Variants in MKI67 observed in about 807,000 individuals in gnomAD.
The protein encoded by MKI67 is marker of proliferation Ki-67, also known as proliferation marker protein Ki-67.
A neutral mutation model predicts 233.5 loss-of-function variants in MKI67; 152 were observed. The observed-to-expected ratio is 0.65, with a 90% CI of 0.57 to 0.74. The LOEUF (loss-of-function observed/expected upper bound fraction) is 0.74, where lower values mean the gene tolerates loss of function less well. Ranked by LOEUF, MKI67 falls within the 30% of genes least tolerant of loss-of-function variation. The pLI is 0.00. For missense variants in MKI67, 3,940 were observed against 3,885.2 expected (o/e 1.01, Z -0.37); for synonymous variants, 1,465 against 1,418.5 (o/e 1.03, Z -0.74).
Position 128,106,497 on chromosome 10 carries a change from G to T in MKI67, c.5343C>A (p.Ala1781=), listed in dbSNP as rs139410096. The T allele has an allele frequency of 1.9e-6, 3 of 1,613,966 alleles. No homozygotes were observed. In the Admixed American group the frequency reaches 5.0e-5, roughly 27 times the overall value. ...FRKQTPSAGK[A]MHTPKPAVGE... ...CTACTGCTGGTTTGGGTGTGTGCAT[G>T]GCTTTGCCTGCTGATGGCGTTTGTT... Residue 1781 remains alanine, a synonymous_variant, in exon 13 of 15, where the codon GCC becomes GCA. Transcript: ENST00000368654.
Position 128,101,351 on chromosome 10 carries a change from C to T in MKI67, c.9612G>A (p.Lys3204=). 6.2e-7 allele frequency: 1 copy of T among 1,614,188 alleles called. No homozygotes were observed. ...TGCTTGCTGCAGGCTGGCTTTTTGTCTTTCTTGATCTCAGGCACATGGAGT... is the reference window on the plus strand; with the variant it reads ...TGCTTGCTGCAGGCTGGCTTTTTGTTTTTCTTGATCTCAGGCACATGGAGT... ...NSDSMCLRSR[K]TKSQPAASTL... The change falls in exon 14 of 15, where the codon AAG becomes AAA. Residue 3204 remains lysine (K), a synonymous_variant. Coordinates refer to ENST00000368654, the MANE Select transcript of MKI67 (RefSeq NM_002417.5).
Position 128,108,444 on chromosome 10 carries a change from T to A in MKI67, c.3396A>T (p.Pro1132=). Residue 1132 remains proline (P), a synonymous_variant, in exon 13 of 15, where the codon CCA becomes CCT. Coordinates refer to ENST00000368654, the MANE Select transcript of MKI67 (RefSeq NM_002417.5). ...TTGGAGTGTCCACTGATTCTGGTGGTGGAGATTTGCAGGCTATTTTGGTAG... is the reference window on the plus strand; with the variant it reads ...TTGGAGTGTCCACTGATTCTGGTGGAGGAGATTTGCAGGCTATTTTGGTAG... ...EKTTKIACKS[P]PPESVDTPTS... is the part of the protein sequence containing the mutation. 6.2e-7 allele frequency: 1 copy of A among 1,614,084 alleles called. No homozygotes were observed. Among genetic ancestry groups the A allele is most frequent in the Non-Finnish European group, 8.5e-7 (1 of 1,180,030 alleles).
chr10:128,108,369 C>T lies in MKI67; in HGVS notation c.3471G>A (p.Glu1157=), dbSNP rs139548826. Residue 1157 remains glutamate (E), a synonymous_variant, in exon 13 of 15, where the codon GAG becomes GAA. Transcript: ENST00000368654. ...GTTTCCTGAGTGCTAAGAATTCTTC[C>T]TCTACATCTGCTTTCCTGAGACTTC... is the stretch of plus-strand genomic sequence containing the variant. ...PKRSLRKADV[E]EEFLALRKLT... is the part of the protein sequence containing the mutation. 7.7e-5 allele frequency: 125 copies of T among 1,614,116 alleles called. 2 individuals are homozygous for T. The African/African-American group carries it at 1.4e-3, about 18-fold the overall frequency.
rs753796048 is a variant in MKI67 at position 128,111,693 on chromosome 10, T to G, written c.2212A>C (p.Asn738His). ...HVPARPYRVL[N>H]NFISNQKMDF... The stretch of plus-strand genomic sequence containing the variant: ...ATTTTTTGGTTGGAAATGAAGTTGT[T>G]GAGCACTCTGTAGGGTCGAGCAGGC... Residue 738 changes from asparagine (N) to histidine (H), a missense_variant, in exon 11 of 15, where the codon AAC (asparagine) becomes CAC (histidine). Asn to His is a moderately conservative substitution (Grantham distance 68). Transcript: ENST00000368654. The G allele has an allele frequency of 6.2e-7, 1 of 1,614,084 alleles. No homozygotes were observed. Among genetic ancestry groups the G allele is most frequent in the Admixed American group, 1.7e-5 (1 of 59,998 alleles).
In MKI67 at chr10:128,097,549, A is replaced by G. The variant is rs930346862; in HGVS notation, c.*1641T>C. On this transcript the variant is annotated 3_prime_UTR_variant, in exon 15 of 15. Transcript: ENST00000368654. The stretch of plus-strand genomic sequence containing the variant: ...GCATATGGCTGGATGAAATTTTTCT[A>G]TGTGAGGTTCATAATTACTACTAAG... The G allele has an allele frequency of 5.9e-5, 9 of 152,164 alleles. No homozygotes were observed. 9.4% of individuals were successfully genotyped at this position (152,164 alleles called of 1,614,324 possible). A position where few individuals can be genotyped will look rare whatever the true frequency, so the allele number is the denominator to read the frequency against.
intron 5 of MKI67, among the ~76,000 whole-genome samples, chr10:128,117,500 G>A (rs1852833503): frequency 6.6e-6 from 1 of 152,216 alleles, no homozygotes; most frequent in Non-Finnish European, 1.5e-5. Context: ...CCGGAAGGGT[G>A]GAAGAACTAA....
rs1590304337 is a variant in MKI67 at position 128,108,059 on chromosome 10, T to C, written c.3781A>G (p.Thr1261Ala). The C allele has an allele frequency of 6.2e-7, 1 of 1,613,918 alleles. No homozygotes were observed. The highest frequency in any genetic ancestry group is 1.6e-4 in the Middle Eastern group (1 of 6,062). Residue 1261 changes from threonine (T) to alanine (A), a missense_variant, in exon 13 of 15, where the codon ACC becomes GCC. Coordinates refer to ENST00000368654, the MANE Select transcript of MKI67 (RefSeq NM_002417.5). ...GGTCGTTGCTTTGTGCTTGTTGGGG[T>C]GTCCACTGGGTCTGACTGTGGAGAG... ...CDSPQSDPVDTPTSTKQRPKR... is the reference protein window; with the variant it reads ...CDSPQSDPVDAPTSTKQRPKR...
chr10:128,111,442 T>C (rs1852672226), intron 11 of MKI67: 2 of 537,066 alleles, frequency 3.7e-6, no homozygotes, highest in Admixed American at 3.5e-5. Flanking sequence ...GCAGGACATG[T>C]GATCCCAAAA....
In MKI67 at chr10:128,108,800, G is replaced by T; in HGVS notation, c.3040C>A (p.Pro1014Thr). 1 of 1,614,164 alleles carries T rather than the reference G, an allele frequency of 6.2e-7. No homozygotes were observed. ...KMPCQSLQPE[P>T]INTPTHTKQQ... is the part of the protein sequence containing the mutation. ...TTTGTGTGTGTTGGGGTGTTTATTGGTTCTGGTTGTAATGACTGGCAGGGC... is the reference window on the plus strand; with the variant it reads ...TTTGTGTGTGTTGGGGTGTTTATTGTTTCTGGTTGTAATGACTGGCAGGGC... The change falls in exon 13 of 15, where the codon CCA (proline) becomes ACA (threonine). Residue 1014 changes from proline to threonine, a missense_variant. Pro to Thr is a conservative substitution (Grantham distance 38, BLOSUM62 -1). Transcript: ENST00000368654.
At position 128,106,210 on chromosome 10, in the gene MKI67, G is replaced by A. The variant is rs61738284; in HGVS notation, c.5630C>T (p.Pro1877Leu). ...GTCTGCTTTCTTGAGGCTTCTCTTG[G>A]GCCGTTGCTTTGTGTTTGTTGGGGT... ...ADTPTNTKQR[P>L]KRSLKKADVE... is the part of the protein sequence containing the mutation. The change falls in exon 13 of 15, where the codon CCC becomes CTC. Residue 1877 changes from proline (P) to leucine (L), a missense_variant. Transcript: ENST00000368654. 150,953 of 1,613,386 alleles carry A rather than the reference G, an allele frequency of 0.094. 7,581 individuals carry two copies. Among genetic ancestry groups the A allele is most frequent in the Admixed American group, 0.15 (9,281 of 59,938 alleles).
rs1041058953 is a variant in MKI67 at position 128,119,570 on chromosome 10, C to T, written c.288-251G>A. 2.0e-5 allele frequency among the ~76,000 whole-genome samples: 3 copies of T among 152,212 alleles called. 1 individual carries two copies. Among genetic ancestry groups the T allele is most frequent in the African/African-American group, 7.2e-5 (3 of 41,456 alleles). On this transcript the variant is annotated intron_variant, in intron 4 of 14. Transcript: ENST00000368654. Reference sequence around the variant, plus strand: ...ACCCAGATTAACTTCTGATCACTGACGAACAGCCCAGGTATGATTTGACAA... The same window carrying T: ...ACCCAGATTAACTTCTGATCACTGATGAACAGCCCAGGTATGATTTGACAA...
In MKI67 at chr10:128,104,268, C is replaced by T. The variant is rs61729189; in HGVS notation, c.7572G>A (p.Ala2524=). Residue 2524 remains alanine, a synonymous_variant, in exon 13 of 15, where the codon GCG becomes GCA. Transcript: ENST00000368654. ...EPTGDSKSIK[A]FKESPKQILD... ...GGATCTGCTTTGGAGACTCCTTAAA[C>T]GCTTTGATGCTCTTACTATCTCCTG... 3,220 of 1,614,040 alleles carry T rather than the reference C, an allele frequency of 2.0e-3. 43 individuals are homozygous for T. The African/African-American group carries it at 0.035, about 17-fold the overall frequency.
intron 5 of MKI67, 34 bp from the exon 6 acceptor site, chr10:128,116,570 A>G: frequency 6.3e-7 from 1 of 1,582,956 alleles, no homozygotes; most frequent in Non-Finnish European, 8.7e-7. Context: ...AGTTATTTGC[A>G]GGTCTTTCTA....
chr10:128,111,568 A>G (rs1852674640), intron 11 of MKI67, 77 bp downstream of exon 11: 1 of 1,278,320 alleles, frequency 7.8e-7, no homozygotes, highest in Admixed American at 2.3e-5. Flanking sequence ...AGATAAACAA[A>G]GTTAGCAAAA....
At position 128,111,726 on chromosome 10, in the gene MKI67, C is replaced by G; in HGVS notation, c.2179G>C (p.Val727Leu). The G allele has an allele frequency of 3.7e-6, 6 of 1,614,140 alleles. No individual in the cohort carries two copies. The highest frequency in any genetic ancestry group is 5.1e-6 in the Non-Finnish European group (6 of 1,180,020). ...IIIGKAHTEK[V>L]HVPARPYRVL... ...CTGTAGGGTCGAGCAGGCACATGTA[C>G]TTTTTCAGTATGAGCTTTCCCTATT... Residue 727 changes from valine to leucine, a missense_variant, in exon 11 of 15, where the codon GTA becomes CTA. Coordinates refer to ENST00000368654, the MANE Select transcript of MKI67 (RefSeq NM_002417.5).
rs1405372131 is a variant in MKI67 at position 128,103,626 on chromosome 10, T to A, written c.8214A>T (p.Ser2738=). Residue 2738 remains serine (S), a synonymous_variant, in exon 13 of 15, where the codon TCA becomes TCT. Transcript: ENST00000368654. ...CTGATGTTTGTGTGAACTTGACTGC[T>A]GAAGGCTCTTCTTTTACTTGTACCT... ...VQKVQVKEEP[S]AVKFTQTSGE... 6.2e-7 allele frequency: 1 copy of A among 1,614,146 alleles called. No individual in the cohort carries two copies. Among genetic ancestry groups the A allele is most frequent in the African/African-American group, 1.3e-5 (1 of 74,944 alleles).
In MKI67 at chr10:128,113,747, G is replaced by A. The variant is rs1565011070; in HGVS notation, c.1481-145C>T. ...AGCACGCCTCTATTCTTGCAATCCT[G>A]GTGAAGCTAAGCTACTAAGAGTTCC... On this transcript the variant is annotated intron_variant, in intron 7 of 14. Transcript: ENST00000368654. The A allele has an allele frequency of 2.7e-6, 2 of 727,432 alleles. 1 individual carries two copies. Among genetic ancestry groups the A allele is most frequent in the South Asian group, 3.7e-5 (2 of 53,840 alleles). The allele number at this position is 727,432 out of a possible 1,614,324, so 45.1% of individuals were successfully genotyped here. A position where few individuals can be genotyped will look rare whatever the true frequency, so the allele number is the denominator to read the frequency against.
intron 11 of MKI67, 91 bp from the exon 12 acceptor site, chr10:128,110,624 G>A: frequency 3.2e-6 from 3 of 946,294 alleles, no homozygotes; most frequent in Non-Finnish European, 3.1e-6. Flanking sequence ...CAAATGGTGG[G>A]AAATAACAGT....
At position 128,114,172 on chromosome 10, in the gene MKI67, C is replaced by T. The variant is rs555191202; in HGVS notation, c.1481-570G>A. Among the ~76,000 whole-genome samples the T allele has an allele frequency of 2.0e-5, 3 of 152,328 alleles. No homozygotes were observed. The South Asian group carries it at 6.2e-4, about 32-fold the overall frequency. ...TTATCGACAGCCTCATGCCCCACCG[C>T]TATAGGCCACCTGCAGAAACACAGC... On this transcript the variant is annotated intron_variant, in intron 7 of 14. Transcript: ENST00000368654.
Sources: allele counts gnomAD v4.1 joint callset (sites outside exome capture counted in the v4.1 genomes callset), GRCh38; gene constraint gnomAD v4.1.1; transcripts MANE v1.5; gene names NCBI Gene and HGNC (gene_info 2026-07-23, HGNC 2026-07-21).